TENM3: variants seen among roughly 807,000 people sequenced by gnomAD.
The protein encoded by TENM3 is teneurin-3.
In TENM3, 63 loss-of-function variants were observed where a neutral mutation model predicts 255.1. The observed-to-expected ratio is 0.25, with a 90% CI of 0.20 to 0.30. The LOEUF is 0.30. Ranked by LOEUF, TENM3 falls within the 10% of genes least tolerant of loss-of-function variation. The pLI is 1.00. For missense variants in TENM3, 2,929 were observed against 3,461.1 expected (o/e 0.85, Z 3.86); for synonymous variants, 1,306 against 1,322.3 (o/e 0.99, Z 0.27).
chr4:181,695,713 C>G, the TENM3 span, among the ~76,000 whole-genome samples: 1 of 152,128 alleles, frequency 6.6e-6, no homozygotes, highest in African/African-American at 2.4e-5. Flanking sequence ...TAAGCCAGAA[C>G]AGACACAGAT....
the TENM3 span, among the ~76,000 whole-genome samples, chr4:181,791,090 C>T: frequency 2.2e-4 from 34 of 152,274 alleles, no homozygotes; most frequent in East Asian, 3.7e-3. Flanking sequence ...TCCCTGAGAA[C>T]GGAGTCAAAC....
the TENM3 span, among the ~76,000 whole-genome samples, chr4:181,699,897 C>T: frequency 2.0e-5 from 3 of 152,148 alleles, no homozygotes; most frequent in Non-Finnish European, 2.9e-5. Context: ...CAGAAGAGGA[C>T]GTTTTTTCTT....
At chr4:181,961,660 C>G in the TENM3 span, among the ~76,000 whole-genome samples, 1 of 152,100 alleles carries the variant, frequency 6.6e-6, no homozygotes, top group Non-Finnish European at 1.5e-5. Flanking sequence ...ACCTCGTGAT[C>G]CACCCACCTT....
At chr4:182,405,998 C>G (rs954428225) in intron 3 of TENM3, among the ~76,000 whole-genome samples, 3 of 152,046 alleles carry the variant, frequency 2.0e-5, no homozygotes, top group African/African-American at 7.3e-5. Flanking sequence ...TAATCTGGCA[C>G]TATTGTGCAG....
the TENM3 span, chr4:182,079,630 A>G: frequency 6.6e-6 from 1 of 152,248 alleles, no homozygotes; most frequent in Non-Finnish European, 1.5e-5. Flanking sequence ...AACCAGGACT[A>G]TATCTGGAAG....
In TENM3 at chr4:182,712,440, A is replaced by C. The variant is rs188159428; in HGVS notation, c.2222-1647A>C. Among the ~76,000 whole-genome samples the C allele has an allele frequency of 2.0e-3, 307 of 151,764 alleles. 6 individuals are homozygous for C. The East Asian group carries it at 0.038, about 19-fold the overall frequency. On this transcript the variant is annotated intron_variant, in intron 12 of 27. Coordinates refer to ENST00000511685, the MANE Select transcript of TENM3 (RefSeq NM_001080477.4). ...ACCTTTCGTTTTCATTAAAAAAAAA[A>C]AAAAAAAAACACATCCATAAGGAAG...
chr4:181,779,865 C>A, the TENM3 span, among the ~76,000 whole-genome samples: 1 of 152,088 alleles, frequency 6.6e-6, no homozygotes, highest in African/African-American at 2.4e-5. Context: ...TCAATTCCCA[C>A]CTATGAGTGA....
chr4:181,868,378 A>C, the TENM3 span, among the ~76,000 whole-genome samples: 1 of 152,138 alleles, frequency 6.6e-6, no homozygotes, highest in Non-Finnish European at 1.5e-5. Context: ...TGAAGGCCTT[A>C]AAAAAGACGA....
intron 5 of TENM3, among the ~76,000 whole-genome samples, chr4:182,630,655 A>T (rs910079182): frequency 1.1e-3 from 174 of 152,238 alleles, no homozygotes; most frequent in African/African-American, 4.0e-3. Context: ...CATGGCACAC[A>T]TTTACCTATG....
At chr4:182,648,306 CAG>C (rs911810998) in intron 5 of TENM3, among the ~76,000 whole-genome samples, 7 of 138,918 alleles carry the variant, frequency 5.0e-5, no homozygotes, top group African/African-American at 1.6e-4. Context: ...TTTTTTGAAA[CAG>C]AGTCTCATTT....
intron 1 of TENM3, among the ~76,000 whole-genome samples, chr4:182,275,927 A>G (rs900059722): frequency 6.6e-6 from 1 of 152,224 alleles, no homozygotes; most frequent in African/African-American, 2.4e-5. Context: ...GCAACAGAGC[A>G]AGACCTGATC....
chr4:182,194,761 T>C (rs552475391), intron 1 of TENM3, among the ~76,000 whole-genome samples: 1 of 152,210 alleles, frequency 6.6e-6, no homozygotes, highest in African/African-American at 2.4e-5. Context: ...CAAACATTTT[T>C]TTCTCCTCAC....
chr4:181,746,031 T>C, the TENM3 span, among the ~76,000 whole-genome samples: 11 of 151,836 alleles, frequency 7.2e-5, no homozygotes, highest in Admixed American at 3.3e-4. Flanking sequence ...TAGTTCAGGA[T>C]TGTGGAATTG....
the TENM3 span, among the ~76,000 whole-genome samples, chr4:181,883,956 C>G: frequency 6.6e-6 from 1 of 152,064 alleles, no homozygotes; most frequent in Non-Finnish European, 1.5e-5. Context: ...TGCAAGGTTC[C>G]CCATTAATGA....
chr4:181,814,656 C>A, the TENM3 span, among the ~76,000 whole-genome samples: 151 of 151,662 alleles, frequency 1.0e-3, no homozygotes, highest in African/African-American at 3.5e-3. Context: ...GAGAGAAAAG[C>A]CTTAACACAT....
chr4:181,724,439 T>A, the TENM3 span, among the ~76,000 whole-genome samples: 1 of 152,336 alleles, frequency 6.6e-6, no homozygotes, highest in African/African-American at 2.4e-5. Context: ...AATTTTATTT[T>A]CTAATATACT....
At chr4:182,634,957 A>G (rs1751722831) in intron 5 of TENM3, among the ~76,000 whole-genome samples, 1 of 152,172 alleles carries the variant, frequency 6.6e-6, no homozygotes, top group Non-Finnish European at 1.5e-5. Flanking sequence ...GCATTGCTAC[A>G]TGCAAATCAT....
the TENM3 span, among the ~76,000 whole-genome samples, chr4:181,453,627 C>T: frequency 6.6e-6 from 1 of 152,062 alleles, no homozygotes; most frequent in Non-Finnish European, 1.5e-5. Context: ...CCCTGCCCAC[C>T]CAAAGACGAT....
the TENM3 span, among the ~76,000 whole-genome samples, chr4:182,049,408 G>A: frequency 4.6e-5 from 7 of 151,828 alleles, no homozygotes; most frequent in Admixed American, 1.3e-4. Context: ...CCCTGGAAAG[G>A]GACAGTGAGA....
Sources: allele counts gnomAD v4.1 joint callset (sites outside exome capture counted in the v4.1 genomes callset), GRCh38; gene constraint gnomAD v4.1.1; transcripts MANE v1.5; gene names NCBI Gene and HGNC (gene_info 2026-07-23, HGNC 2026-07-21).